The following IGF2BP3 variants were observed in gnomAD, a reference collection of about 807,000 sequenced individuals.
IGF2BP3 encodes the protein insulin-like growth factor 2 mRNA-binding protein 3.
IGF2BP3 carries 9 observed loss-of-function variants against 73.8 expected under a neutral mutation model. That is an observed-to-expected ratio of 0.12 (90% CI 0.07 to 0.21). The LOEUF (loss-of-function observed/expected upper bound fraction) is 0.21. IGF2BP3 is among the 10% of genes least tolerant of loss of function. IGF2BP3 has a pLI of 1.00. For missense variants in IGF2BP3, 542 were observed against 714.0 expected (o/e 0.76, Z 2.75); for synonymous variants, 258 against 256.7 (o/e 1.01, Z -0.05).
At chr7:23,441,253 G>T (rs1396404431) in intron 2 of IGF2BP3, among the ~76,000 whole-genome samples, 1 of 151,986 alleles carries the variant, frequency 6.6e-6, no homozygotes, top group African/African-American at 2.4e-5. Context: ...GCAATATAGT[G>T]AGATCACATC....
chr7:23,389,554 TA>T, intron 3 of IGF2BP3, among the ~76,000 whole-genome samples: 1 of 151,862 alleles, frequency 6.6e-6, no homozygotes, highest in African/African-American at 2.4e-5. Flanking sequence ...TTTTTTTTTT[TA>T]AATTACAAGA....
At chr7:23,348,747 T>C (rs80064984) in intron 6 of IGF2BP3, among the ~76,000 whole-genome samples, 2,323 of 152,228 alleles carry the variant, frequency 0.015, 68 homozygotes, top group African/African-American at 0.053. Flanking sequence ...TTGCCAAATG[T>C]CTACGGGGGT....
Position 23,462,337 on chromosome 7 carries a change from G to A in IGF2BP3, c.236+6145C>T, listed in dbSNP as rs1788467438. On this transcript the variant is annotated intron_variant, in intron 2 of 14. Transcript: ENST00000258729. ...AGACTTAGGCTCCTTTCAGCTTATA[G>A]TTCAATAGATTCCTCTAAGAATATT... Among the ~76,000 whole-genome samples the A allele has an allele frequency of 5.3e-5, 8 of 151,666 alleles. No homozygotes were observed. The South Asian group carries it at 1.7e-3, about 32-fold the overall frequency.
chr7:23,331,471 G>A (rs549410313), intron 10 of IGF2BP3, among the ~76,000 whole-genome samples: 13 of 152,234 alleles, frequency 8.5e-5, no homozygotes, highest in Admixed American at 2.6e-4. Flanking sequence ...TATCTTAAAC[G>A]TGCATAAGAT....
intron 2 of IGF2BP3, among the ~76,000 whole-genome samples, chr7:23,426,045 G>A (rs1238381188): frequency 1.3e-5 from 2 of 151,986 alleles, no homozygotes; most frequent in African/African-American, 2.4e-5. Flanking sequence ...GACCAAAATT[G>A]TCTGGGTGCA....
At chr7:23,383,124 T>C (rs7810184) in intron 3 of IGF2BP3, among the ~76,000 whole-genome samples, 7,765 of 151,988 alleles carry the variant, frequency 0.051, 679 homozygotes, top group African/African-American at 0.18. Flanking sequence ...TATAACTACA[T>C]AGTATTAAAG....
At chr7:23,431,437 A>G (rs955291554) in intron 2 of IGF2BP3, 5 of 152,204 alleles carry the variant, frequency 3.3e-5, no homozygotes, top group African/African-American at 1.2e-4. Context: ...GTCAGTCTTA[A>G]ATAAGTATCT....
At chr7:23,341,511 C>T (rs1232390175) in intron 10 of IGF2BP3, among the ~76,000 whole-genome samples, 1 of 151,904 alleles carries the variant, frequency 6.6e-6, no homozygotes, top group East Asian at 1.9e-4. Context: ...ACTAAAAATA[C>T]AAAAAAAGTA....
rs774165476 is a variant in IGF2BP3 at position 23,361,721 on chromosome 7, G to C, written c.306C>G (p.Val102=). ...LQWEVLDSLL[V]QYGVVESCEQ... is the part of the protein sequence containing the mutation. ...CACAGCTCTCCACCACTCCATACTG[G>C]ACTAGTAAACTATCCAGCACCTATC... Residue 102 remains valine, a synonymous_variant, in exon 4 of 15, where the codon GTC becomes GTG. Coordinates refer to ENST00000258729, the MANE Select transcript of IGF2BP3 (RefSeq NM_006547.3). The C allele has an allele frequency of 6.2e-7, 1 of 1,613,710 alleles. No individual in the cohort carries two copies. Among genetic ancestry groups the C allele is most frequent in the Middle Eastern group, 1.7e-4 (1 of 6,054 alleles).
At chr7:23,400,068 G>A (rs889045683) in intron 3 of IGF2BP3, among the ~76,000 whole-genome samples, 7 of 152,110 alleles carry the variant, frequency 4.6e-5, no homozygotes, top group African/African-American at 1.7e-4. Flanking sequence ...CCTTAAACAT[G>A]TTCTCAGTAC....
intron 2 of IGF2BP3, among the ~76,000 whole-genome samples, chr7:23,453,884 T>TCTATCGCC (rs1295169865): frequency 1.3e-5 from 2 of 152,208 alleles, no homozygotes; most frequent in Non-Finnish European, 2.9e-5. Flanking sequence ...AGGATCTCAC[T>TCTATCGCC]CTATCGCCCA....
intron 8 of IGF2BP3, 36 bp downstream of exon 8, chr7:23,345,904 G>T (rs779486556): frequency 2.5e-6 from 4 of 1,603,466 alleles, no homozygotes; most frequent in African/African-American, 1.3e-5. Flanking sequence ...TACAGTGTTG[G>T]AAAGTTTTCT....
intron 3 of IGF2BP3, among the ~76,000 whole-genome samples, chr7:23,395,531 G>A (rs540029715): frequency 6.6e-6 from 1 of 152,276 alleles, no homozygotes; most frequent in East Asian, 1.9e-4. Context: ...GGAGGCTGAG[G>A]TGGGAGGACA....
chr7:23,404,991 T>TA (rs1481076368), intron 3 of IGF2BP3: 2 of 152,302 alleles, frequency 1.3e-5, no homozygotes, highest in Admixed American at 1.3e-4. Flanking sequence ...TTTATATACT[T>TA]AAATTTAAAA....
At chr7:23,414,422 A>G (rs1787124578) in intron 3 of IGF2BP3, 1 of 152,224 alleles carries the variant, frequency 6.6e-6, no homozygotes, top group Non-Finnish European at 1.5e-5. Flanking sequence ...AGATCTTACA[A>G]AACACCAAAC....
At chr7:23,344,933 T>C (rs1784794557) in intron 8 of IGF2BP3, among the ~76,000 whole-genome samples, 1 of 152,270 alleles carries the variant, frequency 6.6e-6, no homozygotes, top group South Asian at 2.1e-4. Flanking sequence ...TAGCTGCTTC[T>C]AGAATAACTT....
At chr7:23,381,223 T>C (rs1164495597) in intron 3 of IGF2BP3, among the ~76,000 whole-genome samples, 2 of 152,270 alleles carry the variant, frequency 1.3e-5, no homozygotes, top group Non-Finnish European at 2.9e-5. Flanking sequence ...CTTAGTCATC[T>C]GAACAATCTT....
chr7:23,360,164 C>A (rs1430516917), intron 5 of IGF2BP3, among the ~76,000 whole-genome samples: 1 of 151,868 alleles, frequency 6.6e-6, no homozygotes, highest in African/African-American at 2.4e-5. Flanking sequence ...CTAGCTCCAG[C>A]TCTACAACAC....
intron 3 of IGF2BP3, among the ~76,000 whole-genome samples, chr7:23,387,553 G>C (rs749357294): frequency 6.6e-6 from 1 of 152,124 alleles, no homozygotes; most frequent in African/African-American, 2.4e-5. Context: ...GTTAATAACA[G>C]AGAAGACTGG....
Sources: allele counts gnomAD v4.1 joint callset (sites outside exome capture counted in the v4.1 genomes callset), GRCh38; gene constraint gnomAD v4.1.1; transcripts MANE v1.5; gene names NCBI Gene and HGNC (gene_info 2026-07-23, HGNC 2026-07-21).